ZDHHC21: variants seen among roughly 807,000 people sequenced by gnomAD.
ZDHHC21 encodes zDHHC palmitoyltransferase 21.
Under a neutral mutation model 34.6 loss-of-function variants are expected in ZDHHC21, and 15 were observed. The observed-to-expected ratio is 0.43, with a 90% CI of 0.29 to 0.67. The LOEUF is 0.67. Among genes scored for constraint, ZDHHC21 ranks in the 30% least tolerant of loss-of-function variants. The probability of loss-of-function intolerance (pLI) is 0.14; values close to 1 mark genes in which losing one functional copy is unlikely to be tolerated. For missense variants in ZDHHC21, 344 were observed against 327.7 expected, an observed-to-expected ratio of 1.05 and a Z score of -0.38; for synonymous variants, 142 against 101.8, an observed-to-expected ratio of 1.40 and a Z score of -2.38.
At chr9:14,605,499 A>G in the ZDHHC21 span, among the ~76,000 whole-genome samples, 12 of 152,136 alleles carry the variant, frequency 7.9e-5, no homozygotes, top group African/African-American at 2.9e-4. Context: ...AGAAATATCT[A>G]TTAAAGTCCT....
chr9:14,656,978 T>C (rs1331384192), intron 7 of ZDHHC21, among the ~76,000 whole-genome samples: 1 of 151,982 alleles, frequency 6.6e-6, no homozygotes, highest in Non-Finnish European at 1.5e-5. Flanking sequence ...CCAACATTCA[T>C]TATGCATGTA....
intron 5 of ZDHHC21, among the ~76,000 whole-genome samples, chr9:14,663,172 C>A (rs1466130064): frequency 3.9e-5 from 6 of 152,130 alleles, no homozygotes; most frequent in Admixed American, 3.9e-4. Flanking sequence ...CTAGAAAAGA[C>A]AATTGCCTTA....
At chr9:14,687,596 T>G (rs1309372221) in intron 2 of ZDHHC21, among the ~76,000 whole-genome samples, 1 of 150,720 alleles carries the variant, frequency 6.6e-6, no homozygotes, top group African/African-American at 2.5e-5. Flanking sequence ...GCTTGAAGCT[T>G]GAACCCAGGA....
At chr9:14,676,183 GC>G (rs1450792852) in intron 3 of ZDHHC21, among the ~76,000 whole-genome samples, 5 of 151,940 alleles carry the variant, frequency 3.3e-5, no homozygotes, top group Non-Finnish European at 7.4e-5. Context: ...GAAGGCAAAA[GC>G]CAAAATTAGG....
chr9:14,622,701 G>A (rs1339309987), intron 8 of ZDHHC21: 3 of 985,200 alleles, frequency 3.0e-6, no homozygotes, highest in Non-Finnish European at 3.6e-6. Flanking sequence ...CCTGACAATC[G>A]CACATAAAGG....
intron 7 of ZDHHC21, among the ~76,000 whole-genome samples, chr9:14,651,329 T>C (rs968499078): frequency 4.6e-5 from 7 of 151,880 alleles, no homozygotes; most frequent in South Asian, 2.1e-4. Flanking sequence ...CCTACAATAA[T>C]ATTGCTAAAA....
chr9:14,646,869 T>G (rs1830355944), intron 7 of ZDHHC21, among the ~76,000 whole-genome samples: 1 of 152,166 alleles, frequency 6.6e-6, no homozygotes, highest in Non-Finnish European at 1.5e-5. Context: ...TTTGTCTCTC[T>G]TAGCAGTATG....
rs900304447 is a variant in ZDHHC21, at chr9:14,615,033, T to C, written c.*3933A>G. On this transcript the variant is annotated 3_prime_UTR_variant, in exon 10 of 10. Transcript: ENST00000380916. The stretch of plus-strand genomic sequence containing the variant: ...TCCAGAGAGAGACTAGCAGCTCTAT[T>C]AATTAGTATTAATGGCATATTAAAC... 1 of 151,684 alleles carries C rather than the reference T, an allele frequency of 6.6e-6. No homozygotes were observed. Among genetic ancestry groups the C allele is most frequent in the Admixed American group, 6.6e-5 (1 of 15,170 alleles). 9.4% of individuals were successfully genotyped at this position (151,684 alleles called of 1,614,324 possible).
Position 14,681,333 on chromosome 9 carries a change from C to A in ZDHHC21, c.-175-1171G>T, listed in dbSNP as rs148106027. Among the ~76,000 whole-genome samples the A allele has an allele frequency of 1.2e-3, 183 of 152,264 alleles. 1 individual carries two copies. The highest frequency in any genetic ancestry group is 2.4e-3 in the Non-Finnish European group (162 of 68,022). ...ACACTGGGCTCAAGCAATCCTCCTG[C>A]CTCAGCCTCCTGAGTCACTGGCACT... On this transcript the variant is annotated intron_variant, in intron 2 of 9. Transcript: ENST00000380916.
Position 14,619,699 on chromosome 9 carries a change from A to T in ZDHHC21, c.622-17T>A. ...TGTTGTATCCTATTAAAAATAAAAAATTATATTCAGATGTAAGAAAGTTAT... is the reference window on the plus strand; with the variant it reads ...TGTTGTATCCTATTAAAAATAAAAATTTATATTCAGATGTAAGAAAGTTAT... On this transcript the variant is annotated splice_polypyrimidine_tract_variant and intron_variant, in intron 8 of 9. Transcript: ENST00000380916. 7.7e-7 allele frequency: 1 copy of T among 1,298,150 alleles called. No individual in the cohort carries two copies. The highest frequency in any genetic ancestry group is 1.1e-6 in the Non-Finnish European group (1 of 941,326). 80.4% of individuals were successfully genotyped at this position (1,298,150 alleles called of 1,614,324 possible).
intron 7 of ZDHHC21, among the ~76,000 whole-genome samples, chr9:14,653,557 G>A (rs1334035452): frequency 6.6e-6 from 1 of 151,818 alleles, no homozygotes; most frequent in East Asian, 1.9e-4. Context: ...CAAGGGTTTT[G>A]TTGTTTTTTT....
intron 7 of ZDHHC21, among the ~76,000 whole-genome samples, chr9:14,657,723 T>C (rs1328415065): frequency 1.3e-5 from 2 of 152,192 alleles, no homozygotes; most frequent in Non-Finnish European, 2.9e-5. Flanking sequence ...TACTGCACTA[T>C]ACTACAATGC....
At chr9:14,690,081 A>C (rs1838946065) in intron 2 of ZDHHC21, among the ~76,000 whole-genome samples, 1 of 152,198 alleles carries the variant, frequency 6.6e-6, no homozygotes, top group Non-Finnish European at 1.5e-5. Flanking sequence ...TTGTTCCAAA[A>C]TCAGCACAAG....
chr9:14,605,606 G>C, the ZDHHC21 span, among the ~76,000 whole-genome samples: 1 of 152,028 alleles, frequency 6.6e-6, no homozygotes, highest in Non-Finnish European at 1.5e-5. Context: ...GCAAATATGT[G>C]GTTTGAAAAT....
chr9:14,633,281 G>A (rs1051779288), intron 8 of ZDHHC21, among the ~76,000 whole-genome samples: 1 of 152,122 alleles, frequency 6.6e-6, no homozygotes, highest in African/African-American at 2.4e-5. Flanking sequence ...GGAAAGCAAG[G>A]CAGCCTGGTT....
At chr9:14,630,913 T>C (rs768352832) in intron 8 of ZDHHC21, among the ~76,000 whole-genome samples, 2 of 152,226 alleles carry the variant, frequency 1.3e-5, no homozygotes, top group Non-Finnish European at 2.9e-5. Flanking sequence ...AGGCTTTGTT[T>C]TTCCATTTCT....
chr9:14,686,880 C>G (rs1017298477), intron 2 of ZDHHC21, among the ~76,000 whole-genome samples: 2 of 149,366 alleles, frequency 1.3e-5, no homozygotes, highest in African/African-American at 5.1e-5. Flanking sequence ...GGTTAAGGCA[C>G]GAGAATCGTT....
chr9:14,659,992 C>A (rs1833046745), intron 6 of ZDHHC21, among the ~76,000 whole-genome samples: 2 of 152,168 alleles, frequency 1.3e-5, no homozygotes, highest in African/African-American at 2.4e-5. Context: ...TCACAGCATT[C>A]TTCTTAACCA....
At chr9:14,630,391 ACTT>A (rs1392949075) in intron 8 of ZDHHC21, among the ~76,000 whole-genome samples, 8 of 152,112 alleles carry the variant, frequency 5.3e-5, no homozygotes, top group Admixed American at 3.3e-4. Flanking sequence ...CACATCTTCC[ACTT>A]CTTATTTCTC....
Sources: gnomAD v4.1 joint callset for allele counts (sites outside exome capture counted in the v4.1 genomes callset) on GRCh38, gnomAD v4.1.1 for gene constraint, MANE v1.5 for transcripts, NCBI Gene and HGNC (gene_info 2026-07-23, HGNC 2026-07-21) for gene names.